The following GALNT7 variants were observed in gnomAD, a reference collection of about 807,000 sequenced individuals.
The protein encoded by GALNT7 is N-acetylgalactosaminyltransferase 7.
GALNT7 carries 60 observed loss-of-function variants against 82.1 expected under a neutral mutation model. The observed-to-expected ratio is 0.73, with a 90% CI of 0.59 to 0.91. The LOEUF is 0.91. GALNT7 is among the 40% of genes least tolerant of loss of function. The probability of loss-of-function intolerance (pLI) is 0.00; values close to 1 mark genes in which losing one functional copy is unlikely to be tolerated. For synonymous variants in GALNT7, 243 were observed against 275.1 expected (o/e 0.88, Z 1.15); for missense variants, 660 against 804.2 (o/e 0.82, Z 2.17).
At chr4:173,296,444 G>GTGGCAAA (rs1245816565) in intron 5 of GALNT7, among the ~76,000 whole-genome samples, 1 of 152,150 alleles carries the variant, frequency 6.6e-6, no homozygotes, top group African/African-American at 2.4e-5. Context: ...ACACGTCCAT[G>GTGGCAAA]TGGCAAATGG....
intron 1 of GALNT7, among the ~76,000 whole-genome samples, chr4:173,209,521 T>G (rs538121151): frequency 6.6e-6 from 1 of 152,322 alleles, no homozygotes; most frequent in African/African-American, 2.4e-5. Flanking sequence ...TTTGTGTAGT[T>G]ACTTGGAGCC....
At chr4:173,287,701 C>T (rs1736375407) in intron 2 of GALNT7, among the ~76,000 whole-genome samples, 1 of 152,206 alleles carries the variant, frequency 6.6e-6, no homozygotes, top group Non-Finnish European at 1.5e-5. Flanking sequence ...GTCAGCATAA[C>T]TAGTCATGCT....
intron 2 of GALNT7, among the ~76,000 whole-genome samples, chr4:173,256,214 T>C (rs1735031999): frequency 6.6e-6 from 1 of 152,230 alleles, no homozygotes; most frequent in Non-Finnish European, 1.5e-5. Context: ...TATATTTAGC[T>C]GTCTGAAGAA....
At chr4:173,229,139 C>T (rs974209441) in intron 1 of GALNT7, among the ~76,000 whole-genome samples, 4 of 152,118 alleles carry the variant, frequency 2.6e-5, no homozygotes, top group African/African-American at 7.2e-5. Context: ...AAGTGACTAG[C>T]TGAAAATAAA....
chr4:173,312,645 A>G (rs904775149), intron 8 of GALNT7, among the ~76,000 whole-genome samples: 2 of 152,256 alleles, frequency 1.3e-5, no homozygotes, highest in African/African-American at 2.4e-5. Flanking sequence ...GTGTGTACCA[A>G]TTTGGTCACA....
intron 1 of GALNT7, among the ~76,000 whole-genome samples, chr4:173,182,623 G>T (rs1016193609): frequency 1.3e-5 from 2 of 151,804 alleles, no homozygotes; most frequent in Non-Finnish European, 2.9e-5. Context: ...CACACAGCGT[G>T]TTGCCTCTGA....
chr4:173,293,292 T>A (rs534889714), intron 3 of GALNT7, among the ~76,000 whole-genome samples: 7 of 152,230 alleles, frequency 4.6e-5, no homozygotes, highest in East Asian at 3.9e-4. Context: ...CTTTTTTTTT[T>A]ATCTTTACTT....
rs191820432 is a variant in GALNT7, at chr4:173,173,623, C to T, written c.126+4662C>T. On this transcript the variant is annotated intron_variant, in intron 1 of 11. Transcript: ENST00000265000. ...AGATTCTCATAAGGAGTGTGCAACC[C>T]GGATCCCTTGCATGCAGTTCACAAT... 4.4e-3 allele frequency among the ~76,000 whole-genome samples: 670 copies of T among 152,246 alleles called. 15 individuals carry two copies. The highest frequency in any genetic ancestry group is 0.04 in the Admixed American group (606 of 15,298).
rs1440586200 is a variant in GALNT7, at chr4:173,313,938, TA to T, written c.1390-19del. The stretch of plus-strand genomic sequence containing the variant: ...TTGTATTTTTATAACGATATATATA[TA>T]TATATTTTTTTTTTACAGAATTATG... On this transcript the variant is annotated intron_variant, in intron 8 of 11. Coordinates refer to ENST00000265000, the MANE Select transcript of GALNT7 (RefSeq NM_017423.3). 1.9e-5 allele frequency: 20 copies of T among 1,072,256 alleles called. No individual in the cohort carries two copies. Among genetic ancestry groups the T allele is most frequent in the Non-Finnish European group, 2.1e-5 (15 of 726,408 alleles). 66.4% of individuals were successfully genotyped at this position (1,072,256 alleles called of 1,614,324 possible). A position where few individuals can be genotyped will look rare whatever the true frequency, so the allele number is the denominator to read the frequency against.
chr4:173,255,563 A>G lies in GALNT7; in HGVS notation c.587+7123A>G, dbSNP rs530410282. 1.7e-4 allele frequency among the ~76,000 whole-genome samples: 26 copies of G among 152,200 alleles called. 1 individual carries two copies. The East Asian group carries it at 4.4e-3, about 26-fold the overall frequency. ...TTACGGTGGCACCACTAGATATCCC[A>G]TAACAACCCACCCCAGTGACAGACA... On this transcript the variant is annotated intron_variant, in intron 2 of 11. Transcript: ENST00000265000.
intron 2 of GALNT7, among the ~76,000 whole-genome samples, chr4:173,255,437 A>G (rs1297333974): frequency 3.3e-5 from 5 of 152,162 alleles, no homozygotes; most frequent in Non-Finnish European, 7.3e-5. Context: ...TATGCCTGAT[A>G]AAAAGTTATA....
chr4:173,321,671 G>GT lies in GALNT7; in HGVS notation c.1929dup (p.Lys644Ter), dbSNP rs1284187261. The GT allele has an allele frequency of 6.2e-7, 1 of 1,607,224 alleles. No homozygotes were observed. Among genetic ancestry groups the GT allele is most frequent in the Non-Finnish European group, 8.5e-7 (1 of 1,174,092 alleles). The stretch of plus-strand genomic sequence containing the variant: ...GTATTCATCTCCAATTGTGACTCCA[G>GT]TAAAACGACTCAAAAATGGGAAATG... On this transcript the variant is annotated frameshift_variant, in exon 12 of 12. Coordinates refer to ENST00000265000, the MANE Select transcript of GALNT7 (RefSeq NM_017423.3). LOFTEE classifies it high-confidence loss of function.
intron 1 of GALNT7, among the ~76,000 whole-genome samples, chr4:173,204,269 C>T (rs1733025702): frequency 1.3e-5 from 2 of 151,968 alleles, no homozygotes; most frequent in African/African-American, 2.4e-5. Context: ...CTCTTTTTGT[C>T]TTTGATTTTT....
rs372441092 is a variant in GALNT7, at chr4:173,295,518, C to T, written c.877C>T (p.Leu293Phe). The T allele has an allele frequency of 4.3e-6, 7 of 1,613,448 alleles. No individual in the cohort carries two copies. Among genetic ancestry groups the T allele is most frequent in the African/African-American group, 4.0e-5 (3 of 74,892 alleles). ...ARSIGAQKAK[L>F]GQVLIYLDAH... ...AAGTATTGGTGCTCAGAAGGCTAAA[C>T]TTGGACAGGTAGGAAGCATTTGATA... Residue 293 changes from leucine to phenylalanine, a missense_variant, in exon 4 of 12, where the codon CTT becomes TTT. Physicochemically the swap from Leu to Phe is conservative, Grantham distance 22. This residue lies in a region of GALNT7 where 527 missense variants were observed against 683.5 expected (regional missense o/e 0.77). Transcript: ENST00000265000.
chr4:173,305,629 C>A (rs1412781270), intron 8 of GALNT7, among the ~76,000 whole-genome samples: 1 of 152,072 alleles, frequency 6.6e-6, no homozygotes, highest in Non-Finnish European at 1.5e-5. Context: ...ATATGGATAT[C>A]TAGTTTTCCA....
intron 8 of GALNT7, among the ~76,000 whole-genome samples, chr4:173,313,516 A>G (rs1737466247): frequency 6.6e-6 from 1 of 151,412 alleles, no homozygotes. Context: ...AGCTGCAATG[A>G]GCCAAGATTG....
chr4:173,294,579 A>G (rs1736653136), intron 3 of GALNT7, among the ~76,000 whole-genome samples: 1 of 152,146 alleles, frequency 6.6e-6, no homozygotes, highest in Non-Finnish European at 1.5e-5. Context: ...AATTGAGGAC[A>G]ATGCTTGTGT....
At chr4:173,183,944 T>C (rs1732374666) in intron 1 of GALNT7, among the ~76,000 whole-genome samples, 2 of 148,582 alleles carry the variant, frequency 1.3e-5, no homozygotes, top group African/African-American at 5.0e-5. Context: ...GCAGAGACGC[T>C]CCTCACCTCC....
chr4:173,251,797 T>A (rs185868690), intron 2 of GALNT7, among the ~76,000 whole-genome samples: 2 of 152,334 alleles, frequency 1.3e-5, no homozygotes, highest in East Asian at 3.9e-4. Context: ...TCCAGTAAAA[T>A]TAAAAGGCCC....
Sources: gnomAD v4.1 joint callset for allele counts (sites outside exome capture counted in the v4.1 genomes callset) on GRCh38, gnomAD v4.1.1 for gene constraint, gnomAD v4.1.1 regional missense constraint, MANE v1.5 for transcripts, NCBI Gene and HGNC (gene_info 2026-07-23, HGNC 2026-07-21) for gene names.